HIBCH: variants seen among roughly 807,000 people sequenced by gnomAD.
HIBCH encodes 3-hydroxyisobutyryl-CoA hydrolase, mitochondrial.
HIBCH carries 50 observed loss-of-function variants against 58.2 expected under a neutral mutation model. The observed-to-expected ratio is 0.86, with a 90% confidence interval of 0.68 to 1.09. HIBCH has a LOEUF of 1.09. HIBCH is among the 50% of genes least tolerant of loss of function. The pLI, the probability that HIBCH is intolerant of heterozygous loss-of-function variation, is 0.00. For missense variants in HIBCH, 450 were observed against 449.7 expected, an observed-to-expected ratio of 1.00 and a Z score of -0.01; for synonymous variants, 151 against 146.9, an observed-to-expected ratio of 1.03 and a Z score of -0.20.
At chr2:190,267,553 A>T (rs1275832905) in intron 6 of HIBCH, among the ~76,000 whole-genome samples, 2 of 152,062 alleles carry the variant, frequency 1.3e-5, no homozygotes, top group Non-Finnish European at 2.9e-5. Flanking sequence ...TATTTCAGAT[A>T]GGCAAAGGTT....
chr2:190,307,393 C>T (rs937044931), intron 2 of HIBCH, among the ~76,000 whole-genome samples: 1 of 152,150 alleles, frequency 6.6e-6, no homozygotes, highest in Non-Finnish European at 1.5e-5. Flanking sequence ...TTAAAATAGA[C>T]CAGCATGGTG....
chr2:190,300,973 G>A (rs906294260), intron 2 of HIBCH, among the ~76,000 whole-genome samples: 1 of 151,460 alleles, frequency 6.6e-6, no homozygotes, highest in Non-Finnish European at 1.5e-5. Context: ...TGTCTGAATG[G>A]CTGTAAGTTA....
In HIBCH at chr2:190,217,502, C is replaced by T. The variant is rs1284098020; in HGVS notation, c.892-4427G>A. Among the ~76,000 whole-genome samples the T allele has an allele frequency of 6.6e-6, 1 of 152,078 alleles. No individual in the cohort carries two copies. Among genetic ancestry groups the T allele is most frequent in the Non-Finnish European group, 1.5e-5 (1 of 67,998 alleles). On this transcript the variant is annotated intron_variant, in intron 11 of 13. Coordinates refer to ENST00000359678, the MANE Select transcript of HIBCH (RefSeq NM_014362.4). The surrounding 1 kb of genome is among the most constrained non-coding windows in gnomAD (Gnocchi z 4.6). The stretch of plus-strand genomic sequence containing the variant: ...TGTCTTAAAACAAAAAAACAGACTA[C>T]TGGAAAAAGACCTCCTGGGTTAAGG...
At position 190,205,235 on chromosome 2, in the gene HIBCH, G is replaced by A; in HGVS notation, c.1046-3C>T. The stretch of plus-strand genomic sequence containing the variant: ...ACTCTGGTCTTTATCAATTAAAACT[G>A]TCAAGAGAAGATACAAATGTTAATA... On this transcript the variant is annotated splice_region_variant and splice_polypyrimidine_tract_variant and intron_variant, in intron 13 of 13. Coordinates refer to ENST00000359678, the MANE Select transcript of HIBCH (RefSeq NM_014362.4). 7.0e-7 allele frequency: 1 copy of A among 1,430,804 alleles called. No homozygotes were observed. The highest frequency in any genetic ancestry group is 9.9e-7 in the Non-Finnish European group (1 of 1,013,910). 88.6% of individuals were successfully genotyped at this position (1,430,804 alleles called of 1,614,324 possible).
chr2:190,196,966 G>A (rs1690010003), intron 1 of HIBCH, among the ~76,000 whole-genome samples: 1 of 152,106 alleles, frequency 6.6e-6, no homozygotes, highest in African/African-American at 2.4e-5. Context: ...CTGGAGGCTG[G>A]GAAGTCCAAG....
intron 8 of HIBCH, 151 bp from the exon 9 acceptor site, chr2:190,249,877 G>C: frequency 1.5e-6 from 1 of 649,990 alleles, no homozygotes; most frequent in East Asian, 2.8e-5. Context: ...TTTGACTTAA[G>C]TTGAATGAAC....
chr2:190,247,407 TAAA>T (rs1405069184), intron 9 of HIBCH, among the ~76,000 whole-genome samples: 21 of 152,182 alleles, frequency 1.4e-4, no homozygotes, highest in Non-Finnish European at 1.3e-4. Context: ...AATGCTCTGA[TAAA>T]AACAAGTGAA....
rs561273647 is a variant in HIBCH, at chr2:190,258,848, T to C, written c.517+2308A>G. 2.6e-5 allele frequency among the ~76,000 whole-genome samples: 4 copies of C among 152,300 alleles called. No homozygotes were observed. The South Asian group carries it at 8.3e-4, about 32-fold the overall frequency. On this transcript the variant is annotated intron_variant, in intron 7 of 13. Transcript: ENST00000359678. ...CATTTTTCTGCATATGGATATCCAG[T>C]TTTTCTGACATCATTTATTGAAGAG...
At chr2:190,208,318 G>C (rs1278676545) in intron 13 of HIBCH, among the ~76,000 whole-genome samples, 1 of 152,176 alleles carries the variant, frequency 6.6e-6, no homozygotes, top group Non-Finnish European at 1.5e-5. Context: ...TAGGGGATTT[G>C]AGGGCTTTTT....
chr2:190,289,837 T>A (rs1345640763), intron 5 of HIBCH, among the ~76,000 whole-genome samples: 1 of 152,184 alleles, frequency 6.6e-6, no homozygotes, highest in Admixed American at 6.6e-5. Context: ...CCCAAGTTTT[T>A]TCCCCCAAGA....
intron 11 of HIBCH, among the ~76,000 whole-genome samples, chr2:190,233,603 T>C (rs1686176470): frequency 6.6e-6 from 1 of 152,222 alleles, no homozygotes; most frequent in Non-Finnish European, 1.5e-5. Context: ...CTGGGGTACA[T>C]CTTTATCAGC....
In HIBCH at chr2:190,246,203, C is replaced by T. The variant is rs567469522; in HGVS notation, c.760G>A (p.Asp254Asn). 38 of 1,582,296 alleles carry T rather than the reference C, an allele frequency of 2.4e-5. 1 individual carries two copies. The South Asian group carries it at 4.2e-4, about 17-fold the overall frequency. Residue 254 changes from aspartate to asparagine, a missense_variant, in exon 10 of 14, where the codon GAT (aspartate) becomes AAT (asparagine). Coordinates refer to ENST00000359678, the MANE Select transcript of HIBCH (RefSeq NM_014362.4). ...LENYHTESKI[D>N]RDKSFILEEH... is the part of the protein sequence containing the mutation. ...TCAAGTATAAAAGACTTGTCTCGAT[C>T]AATCTTAGACTGTTTGAAAAGAAAA...
At chr2:190,233,988 T>C (rs1218346454) in intron 11 of HIBCH, among the ~76,000 whole-genome samples, 1 of 152,164 alleles carries the variant, frequency 6.6e-6, no homozygotes, top group Admixed American at 6.5e-5. Context: ...TGAAACCCCA[T>C]CTCTACTAAA....
chr2:190,317,893 G>C (rs1336593703), intron 1 of HIBCH, among the ~76,000 whole-genome samples: 1 of 150,122 alleles, frequency 6.7e-6, no homozygotes, highest in African/African-American at 2.5e-5. Context: ...GCATGATCTC[G>C]GCTCACTGCA....
Position 190,304,894 on chromosome 2 carries a change from GA to G in HIBCH, c.78+5859del, listed in dbSNP as rs1371751923. 6.6e-6 allele frequency among the ~76,000 whole-genome samples: 1 copy of G among 152,094 alleles called. No homozygotes were observed. Among genetic ancestry groups the G allele is most frequent in the African/African-American group, 2.4e-5 (1 of 41,416 alleles). Reference sequence around the variant, plus strand: ...GGACGAATAATGTATCCCTGTGCTGGAATTTATAAGACACAGTATGCTTTAG... The same window carrying G: ...GGACGAATAATGTATCCCTGTGCTGGATTTATAAGACACAGTATGCTTTAG... On this transcript the variant is annotated intron_variant, in intron 2 of 13. Transcript: ENST00000359678. This position sits in a 1 kb window ranked among gnomAD's most constrained non-coding sequence, Gnocchi z 4.1.
At chr2:190,233,539 AGCCTCAATGAAAT>A (rs1213540169) in intron 11 of HIBCH, among the ~76,000 whole-genome samples, 1 of 152,228 alleles carries the variant, frequency 6.6e-6, no homozygotes, top group Non-Finnish European at 1.5e-5. Context: ...AGGCCTCCCC[AGCCTCAATGAAAT>A]ATAAGTCCAT....
intron 2 of HIBCH, among the ~76,000 whole-genome samples, chr2:190,298,984 C>G (rs1303995415): frequency 6.6e-6 from 1 of 152,118 alleles, no homozygotes; most frequent in African/African-American, 2.4e-5. Context: ...TTTCCCAGCA[C>G]CATTTATTAA....
rs960778656 is a variant in HIBCH, at chr2:190,211,293, C to T, written c.1011+1663G>A. On this transcript the variant is annotated intron_variant, in intron 12 of 13. Transcript: ENST00000359678. This position sits in a 1 kb window ranked among gnomAD's most constrained non-coding sequence, Gnocchi z 5.0. Reference sequence around the variant, plus strand: ...TCTAACTCCTAAATGCATTCCTTCCCTCACATCCAGCAAGTCCTATCTATT... The same window carrying T: ...TCTAACTCCTAAATGCATTCCTTCCTTCACATCCAGCAAGTCCTATCTATT... Among the ~76,000 whole-genome samples, 3 of 152,194 alleles carry T rather than the reference C, an allele frequency of 2.0e-5. No individual in the cohort carries two copies. The highest frequency in any genetic ancestry group is 7.2e-5 in the African/African-American group (3 of 41,444).
chr2:190,229,720 G>A (rs1425242791), intron 11 of HIBCH, among the ~76,000 whole-genome samples: 2 of 152,100 alleles, frequency 1.3e-5, no homozygotes, highest in African/African-American at 2.4e-5. Flanking sequence ...TGCAAAACAG[G>A]TCAAAACATA....
Sources: allele counts gnomAD v4.1 joint callset (sites outside exome capture counted in the v4.1 genomes callset), GRCh38; gene constraint gnomAD v4.1.1; non-coding constraint Gnocchi (gnomAD v3.1); transcripts MANE v1.5; gene names NCBI Gene and HGNC (gene_info 2026-07-23, HGNC 2026-07-21).